HHAT: variants seen among roughly 807,000 people sequenced by gnomAD.
HHAT encodes the protein protein-cysteine N-palmitoyltransferase HHAT.
Under a neutral mutation model 70.8 loss-of-function variants are expected in HHAT, and 47 were observed. The observed-to-expected ratio is 0.66, with a 90% CI of 0.53 to 0.85. HHAT has a LOEUF of 0.85. HHAT is among the 40% of genes least tolerant of loss of function. HHAT has a pLI of 0.00. For missense variants in HHAT, 609 were observed against 604.8 expected, an observed-to-expected ratio of 1.01 and a Z score of -0.07; for synonymous variants, 228 against 247.6, an observed-to-expected ratio of 0.92 and a Z score of 0.74.
chr1:210,459,784 C>T (rs953845302), intron 7 of HHAT, among the ~76,000 whole-genome samples: 3 of 152,218 alleles, frequency 2.0e-5, no homozygotes, highest in Non-Finnish European at 4.4e-5. Context: ...AGTTGGCTGT[C>T]GCTGAATAAC....
intron 1 of HHAT, among the ~76,000 whole-genome samples, chr1:210,331,483 C>T (rs993389814): frequency 5.9e-5 from 9 of 152,152 alleles, no homozygotes; most frequent in East Asian, 3.8e-4. Context: ...TTCTAGGGCC[C>T]GGTCATTTGC....
intron 10 of HHAT, among the ~76,000 whole-genome samples, chr1:210,617,536 G>C (rs561853397): frequency 6.6e-6 from 1 of 152,290 alleles, no homozygotes; most frequent in Non-Finnish European, 1.5e-5. Flanking sequence ...GCTCAATCTG[G>C]AACTTTTAGC....
chr1:210,332,675 T>C (rs2085098547), intron 1 of HHAT, among the ~76,000 whole-genome samples: 1 of 152,244 alleles, frequency 6.6e-6, no homozygotes, highest in Non-Finnish European at 1.5e-5. Flanking sequence ...GCCTTGTCTT[T>C]TAATGCAGGG....
At chr1:210,433,842 G>A (rs1223945803) in intron 7 of HHAT, among the ~76,000 whole-genome samples, 2 of 152,084 alleles carry the variant, frequency 1.3e-5, no homozygotes, top group East Asian at 3.9e-4. Context: ...TGGAGGCCAG[G>A]CTCCAGGAAG....
chr1:210,587,065 G>A (rs1660614647), intron 9 of HHAT, among the ~76,000 whole-genome samples: 3 of 152,198 alleles, frequency 2.0e-5, no homozygotes, highest in Admixed American at 2.0e-4. Context: ...CCCAGCTCCT[G>A]CCTGTTTAGG....
At chr1:210,387,111 GTC>G (rs1558411694) in intron 3 of HHAT, among the ~76,000 whole-genome samples, 1 of 151,892 alleles carries the variant, frequency 6.6e-6, no homozygotes, top group East Asian at 1.9e-4. Flanking sequence ...AGTTCCTTAC[GTC>G]TCTGTTTCAT....
intron 3 of HHAT, among the ~76,000 whole-genome samples, chr1:210,368,559 G>A (rs2089241918): frequency 6.6e-6 from 1 of 152,034 alleles, no homozygotes; most frequent in African/African-American, 2.4e-5. Flanking sequence ...CCAAAGTGCT[G>A]GGATTACAGG....
At chr1:210,451,089 A>G (rs1026200773) in intron 7 of HHAT, among the ~76,000 whole-genome samples, 14 of 37,158 alleles carry the variant, frequency 3.8e-4, no homozygotes, top group Admixed American at 1.1e-3. Context: ...TCCATCTCCA[A>G]AAAAAAAAAA....
At chr1:210,471,527 G>T (rs189627755) in intron 8 of HHAT, among the ~76,000 whole-genome samples, 567 of 152,012 alleles carry the variant, frequency 3.7e-3, no homozygotes, top group Admixed American at 8.5e-3. Context: ...TCTGAGGGGG[G>T]TGCTGAAAGG....
At chr1:210,345,519 G>C (rs1299722726) in intron 1 of HHAT, among the ~76,000 whole-genome samples, 1 of 152,142 alleles carries the variant, frequency 6.6e-6, no homozygotes, top group Non-Finnish European at 1.5e-5. Flanking sequence ...CACCAAACTT[G>C]GGTAAATAAT....
At chr1:210,586,255 C>A (rs1415741507) in intron 9 of HHAT, among the ~76,000 whole-genome samples, 1 of 152,030 alleles carries the variant, frequency 6.6e-6, no homozygotes, top group Admixed American at 6.6e-5. Context: ...CCAGCCTAGG[C>A]AACTTTTATA....
At chr1:210,619,915 A>G (rs1218010192) in intron 10 of HHAT, among the ~76,000 whole-genome samples, 1 of 152,104 alleles carries the variant, frequency 6.6e-6, no homozygotes, top group African/African-American at 2.4e-5. Context: ...GAACTTGGCA[A>G]CTCTCTTTGT....
intron 2 of HHAT, among the ~76,000 whole-genome samples, chr1:210,353,402 T>C (rs2087251885): frequency 6.6e-6 from 1 of 150,638 alleles, no homozygotes. Flanking sequence ...ATTCCCATCA[T>C]GGAAAATCCC....
chr1:210,408,937 C>T (rs2092432040), intron 6 of HHAT, among the ~76,000 whole-genome samples: 1 of 152,220 alleles, frequency 6.6e-6, no homozygotes, highest in African/African-American at 2.4e-5. Flanking sequence ...TCATAGCTCA[C>T]TGTAGCTTTG....
At chr1:210,534,305 G>A (rs2095347269) in intron 9 of HHAT, among the ~76,000 whole-genome samples, 1 of 152,110 alleles carries the variant, frequency 6.6e-6, no homozygotes, top group Non-Finnish European at 1.5e-5. Context: ...GTACACTCCT[G>A]TTATATTTAA....
chr1:210,443,064 G>A (rs1398653668), intron 7 of HHAT, among the ~76,000 whole-genome samples: 16 of 152,132 alleles, frequency 1.1e-4, no homozygotes, highest in African/African-American at 3.9e-4. Context: ...CCTACATATG[G>A]CTAGCCAGTT....
intron 9 of HHAT, among the ~76,000 whole-genome samples, chr1:210,579,018 G>A (rs1170639708): frequency 1.3e-5 from 2 of 152,188 alleles, no homozygotes; most frequent in African/African-American, 4.8e-5. Flanking sequence ...GAACATGGAT[G>A]GAGCTGGAGG....
intron 11 of HHAT, among the ~76,000 whole-genome samples, chr1:210,668,486 AG>A (rs1201410411): frequency 6.6e-6 from 1 of 152,230 alleles, no homozygotes; most frequent in Non-Finnish European, 1.5e-5. Context: ...GGTTTTATAA[AG>A]GGCAGTTCCC....
At chr1:210,666,935 C>T (rs771115291) in intron 11 of HHAT, among the ~76,000 whole-genome samples, 7 of 151,824 alleles carry the variant, frequency 4.6e-5, no homozygotes, top group Non-Finnish European at 8.8e-5. Flanking sequence ...AAAAAATTAG[C>T]TGGGCGCAGT....
Sources: allele counts gnomAD v4.1 joint callset (sites outside exome capture counted in the v4.1 genomes callset), GRCh38; gene constraint gnomAD v4.1.1; transcripts MANE v1.5; gene names NCBI Gene and HGNC (gene_info 2026-07-23, HGNC 2026-07-21).